Variants in POC1B observed in about 807,000 individuals in gnomAD.
POC1B encodes the protein POC1 centriolar protein homolog B.
A neutral mutation model predicts 60.6 loss-of-function variants in POC1B; 44 were observed. The ratio of observed to expected loss-of-function variants is 0.73; its 90% confidence interval spans 0.57 to 0.93. POC1B has a LOEUF of 0.93. Ranked by LOEUF, POC1B falls within the 40% of genes least tolerant of loss-of-function variation. The pLI, the probability that POC1B is intolerant of heterozygous loss-of-function variation, is 0.00. For synonymous variants in POC1B, 180 were observed against 198.9 expected (o/e 0.90, Z 0.80); for missense variants, 555 against 572.3 (o/e 0.97, Z 0.31).
chr12:89,489,773 T>C (rs1868849669), intron 4 of POC1B, among the ~76,000 whole-genome samples: 1 of 152,170 alleles, frequency 6.6e-6, no homozygotes, highest in African/African-American at 2.4e-5. Flanking sequence ...CCATACCCCA[T>C]ACCTGCTTCT....
chr12:89,440,349 G>A (rs979571363), intron 10 of POC1B, among the ~76,000 whole-genome samples: 8 of 152,124 alleles, frequency 5.3e-5, no homozygotes, highest in South Asian at 2.1e-4. Context: ...CAGTCTCCAC[G>A]TATCTACCAC....
intron 2 of POC1B, among the ~76,000 whole-genome samples, chr12:89,509,416 C>T (rs1048306703): frequency 2.0e-5 from 3 of 152,130 alleles, no homozygotes; most frequent in African/African-American, 7.2e-5. Context: ...CCCACTCCAG[C>T]CCTGAAATGG....
chr12:89,424,247 G>A (rs1404637121), intron 11 of POC1B, among the ~76,000 whole-genome samples: 1 of 152,084 alleles, frequency 6.6e-6, no homozygotes, highest in Admixed American at 6.6e-5. Context: ...ATCATATGTG[G>A]GTTCTTAAAA....
Position 89,419,985 on chromosome 12 carries a change from G to A in POC1B, c.*1168C>T, listed in dbSNP as rs1017707507. On this transcript the variant is annotated 3_prime_UTR_variant, in exon 12 of 12. Coordinates refer to ENST00000313546, the MANE Select transcript of POC1B (RefSeq NM_172240.3). Reference sequence around the variant, plus strand: ...AAATTTCTAAATATAGAAATAAATAGGACGGCACTATTTCTTCTTTTCCAA... The same window carrying A: ...AAATTTCTAAATATAGAAATAAATAAGACGGCACTATTTCTTCTTTTCCAA... 2.0e-5 allele frequency: 3 copies of A among 152,040 alleles called. No homozygotes were observed. The highest frequency in any genetic ancestry group is 2.9e-5 in the Non-Finnish European group (2 of 68,016). The allele number at this position is 152,040 out of a possible 1,614,324, so 9.4% of individuals were successfully genotyped here.
chr12:89,525,881 C>G lies in POC1B; in HGVS notation c.15G>C (p.Thr5=). 4.8e-6 allele frequency: 7 copies of G among 1,458,086 alleles called. No homozygotes were observed. The highest frequency in any genetic ancestry group is 6.4e-6 in the Non-Finnish European group (7 of 1,099,484). 90.3% of individuals were successfully genotyped at this position (1,458,086 alleles called of 1,614,324 possible). The change falls in exon 1 of 12, where the codon ACG becomes ACC. Residue 5 remains threonine (T), a splice_region_variant and synonymous_variant. Coordinates refer to ENST00000313546, the MANE Select transcript of POC1B (RefSeq NM_172240.3). ...CCCCCCACCTCCAACCCGTCCTTAC[C>G]GTGGCTGAGGCCATCGGGGGAGTGG... MASA[T]EDPVLERYFK...
chr12:89,423,210 G>C (rs1397415336), intron 11 of POC1B, among the ~76,000 whole-genome samples: 1 of 152,144 alleles, frequency 6.6e-6, no homozygotes, highest in Non-Finnish European at 1.5e-5. Flanking sequence ...GTAGAAATGA[G>C]GTCTTAGCAT....
At chr12:89,474,278 TA>T (rs1883022097) in intron 4 of POC1B, among the ~76,000 whole-genome samples, 1 of 152,090 alleles carries the variant, frequency 6.6e-6, no homozygotes, top group Non-Finnish European at 1.5e-5. Context: ...AGCTTCTTTT[TA>T]AAAAATATTA....
At chr12:89,468,391 GAGTA>G (rs925581464) in intron 7 of POC1B, among the ~76,000 whole-genome samples, 2 of 152,268 alleles carry the variant, frequency 1.3e-5, no homozygotes, top group African/African-American at 2.4e-5. Flanking sequence ...GTCCAGATAA[GAGTA>G]AGTATTTCTT....
chr12:89,459,967 A>G (rs867960666), intron 9 of POC1B: 5 of 473,578 alleles, frequency 1.1e-5, no homozygotes, highest in African/African-American at 4.0e-5. Flanking sequence ...TAGAAAATCA[A>G]TGTAATTTAC....
chr12:89,522,723 T>A lies in POC1B; in HGVS notation c.100+2397A>T, dbSNP rs1004211360. 19 of 1,485,910 alleles carry A rather than the reference T, an allele frequency of 1.3e-5. No homozygotes were observed. In the African/African-American group the frequency reaches 2.4e-4, roughly 19 times the overall value. 92.0% of individuals were successfully genotyped at this position (1,485,910 alleles called of 1,614,324 possible). A position where few individuals can be genotyped will look rare whatever the true frequency, so the allele number is the denominator to read the frequency against. On this transcript the variant is annotated intron_variant, in intron 2 of 11. Coordinates refer to ENST00000313546, the MANE Select transcript of POC1B (RefSeq NM_172240.3). ...CAGATGACTGCTAGGTGGCTTTTGA[T>A]AAAATAAAATACAATCTTCACTGAG...
rs770674955 is a variant in POC1B, at chr12:89,523,043, A to C, written c.100+2077T>G. 1.9e-6 allele frequency: 3 copies of C among 1,613,756 alleles called. No individual in the cohort carries two copies. The African/African-American group carries it at 4.0e-5, about 22-fold the overall frequency. Reference sequence around the variant, plus strand: ...TTTTTTTGCTCAGGTACCTCTGCACATAACTCTGTCACAGAATTAAACCTT... The same window carrying C: ...TTTTTTTGCTCAGGTACCTCTGCACCTAACTCTGTCACAGAATTAAACCTT... On this transcript the variant is annotated intron_variant, in intron 2 of 11. Transcript: ENST00000313546.
rs1199243944 is a variant in POC1B, at chr12:89,525,188, T to C, written c.32A>G (p.Glu11Gly). MASATEDPVL[E>G]RYFKGHKAAI... ...AGCTTTGTGGCCTTTGAAATAACGC[T>C]CCAGAACGGGGTCCTCCTGGAAAGG... The change falls in exon 2 of 12, where the codon GAG (glutamate) becomes GGG (glycine). Residue 11 changes from glutamate to glycine, a missense_variant. Glu to Gly is a moderately conservative substitution (Grantham distance 98, BLOSUM62 -2). Coordinates refer to ENST00000313546, the MANE Select transcript of POC1B (RefSeq NM_172240.3). 1 of 1,611,542 alleles carries C rather than the reference T, an allele frequency of 6.2e-7. No individual in the cohort carries two copies. The highest frequency in any genetic ancestry group is 1.7e-5 in the Admixed American group (1 of 59,854).
At chr12:89,512,856 T>C (rs1870253027) in intron 2 of POC1B, among the ~76,000 whole-genome samples, 2 of 152,176 alleles carry the variant, frequency 1.3e-5, no homozygotes, top group African/African-American at 2.4e-5. Context: ...CAAGGTAATA[T>C]AGATGAAAAG....
chr12:89,447,113 T>C (rs895774533), intron 10 of POC1B, among the ~76,000 whole-genome samples: 3 of 152,214 alleles, frequency 2.0e-5, no homozygotes, highest in Non-Finnish European at 2.9e-5. Context: ...TGCTGCTCTC[T>C]AAATCAAAAG....
At chr12:89,403,357 CTG>C in the POC1B span, among the ~76,000 whole-genome samples, 1 of 152,094 alleles carries the variant, frequency 6.6e-6, no homozygotes, top group Non-Finnish European at 1.5e-5. Context: ...CAATTTGAAA[CTG>C]TGATGAGAGC....
Position 89,465,290 on chromosome 12 carries a change from G to C in POC1B, c.1032+1480C>G, listed in dbSNP as rs961565431. Among the ~76,000 whole-genome samples the C allele has an allele frequency of 1.6e-4, 24 of 152,090 alleles. 3 individuals carry two copies. The highest frequency in any genetic ancestry group is 1.2e-3 in the Admixed American group (19 of 15,270). On this transcript the variant is annotated intron_variant, in intron 9 of 11. Transcript: ENST00000313546. ...GAACTAGGGCTGACAGTAAATCAGA[G>C]AAAAAATGGCTTGAGTCTCTGTGCT...
intron 10 of POC1B, among the ~76,000 whole-genome samples, chr12:89,445,961 C>A (rs1014210824): frequency 6.6e-6 from 1 of 152,190 alleles, no homozygotes; most frequent in African/African-American, 2.4e-5. Context: ...ACAGACACTT[C>A]TCAAAAGAAG....
intron 2 of POC1B, among the ~76,000 whole-genome samples, chr12:89,515,230 A>G (rs1480757667): frequency 6.6e-6 from 1 of 152,218 alleles, no homozygotes; most frequent in African/African-American, 2.4e-5. Flanking sequence ...AAGCAGACAG[A>G]AATCTCTAAT....
chr12:89,437,129 G>C (rs1881303837), intron 10 of POC1B, among the ~76,000 whole-genome samples: 1 of 152,166 alleles, frequency 6.6e-6, no homozygotes, highest in Non-Finnish European at 1.5e-5. Context: ...CGATCAGACA[G>C]TTGTCACCTC....
Sources: allele counts gnomAD v4.1 joint callset (sites outside exome capture counted in the v4.1 genomes callset), GRCh38; gene constraint gnomAD v4.1.1; transcripts MANE v1.5; gene names NCBI Gene and HGNC (gene_info 2026-07-23, HGNC 2026-07-21).